Variants in ADAM12 observed in about 807,000 individuals in gnomAD.
The protein encoded by ADAM12 is ADAM metallopeptidase domain 12, also known as disintegrin and metalloproteinase domain-containing protein 12.
In ADAM12, 70 loss-of-function variants were observed where a neutral mutation model predicts 106.4. The ratio of observed to expected loss-of-function variants is 0.66; its 90% CI spans 0.54 to 0.80. The LOEUF is 0.80. ADAM12 is among the 30% of genes least tolerant of loss of function. The pLI, the probability that ADAM12 is intolerant of heterozygous loss-of-function variation, is 0.00. For synonymous variants in ADAM12, 420 were observed against 433.5 expected (o/e 0.97, Z 0.39); for missense variants, 1,010 against 1,171.9 (o/e 0.86, Z 2.02).
intron 1 of ADAM12, among the ~76,000 whole-genome samples, chr10:126,374,265 C>T (rs908288113): frequency 1.3e-4 from 20 of 152,240 alleles, no homozygotes; most frequent in Admixed American, 4.6e-4. Flanking sequence ...ATCCAGGGTA[C>T]ATAGGACTCC....
intron 1 of ADAM12, among the ~76,000 whole-genome samples, chr10:126,372,913 C>T (rs895485062): frequency 4.6e-4 from 70 of 152,104 alleles, no homozygotes; most frequent in Non-Finnish European, 1.5e-4. Context: ...TCAAGAGTAC[C>T]ATCTATTGCA....
intron 5 of ADAM12, among the ~76,000 whole-genome samples, chr10:126,118,757 C>T (rs1316621926): frequency 1.3e-5 from 2 of 152,184 alleles, no homozygotes; most frequent in Admixed American, 6.5e-5. Context: ...ATCCCTCTCC[C>T]GCCTCTTGGC....
intron 1 of ADAM12, among the ~76,000 whole-genome samples, chr10:126,341,522 C>T (rs1248300008): frequency 6.6e-6 from 1 of 152,154 alleles, no homozygotes; most frequent in Non-Finnish European, 1.5e-5. Flanking sequence ...CCACATGAGC[C>T]TTATTTATAA....
chr10:126,266,854 C>T (rs7913220), intron 3 of ADAM12, among the ~76,000 whole-genome samples: 1 of 152,118 alleles, frequency 6.6e-6, no homozygotes, highest in African/African-American at 2.4e-5. Flanking sequence ...AAGTCCACCA[C>T]GAGAACAGCA....
At chr10:126,047,470 G>A (rs1954358209) in intron 16 of ADAM12, among the ~76,000 whole-genome samples, 1 of 152,178 alleles carries the variant, frequency 6.6e-6, no homozygotes, top group Non-Finnish European at 1.5e-5. Context: ...AGCCCTCAGA[G>A]AACCAAGGTT....
intron 6 of ADAM12, among the ~76,000 whole-genome samples, chr10:126,111,697 T>C (rs544111091): frequency 1.3e-5 from 2 of 152,326 alleles, no homozygotes; most frequent in South Asian, 4.1e-4. Flanking sequence ...GTGAACACAA[T>C]TTTCCTGTCT....
rs114094124 is a variant in ADAM12 at position 126,143,639 on chromosome 10, G to A, written c.340-7979C>T. Among the ~76,000 whole-genome samples the A allele has an allele frequency of 4.1e-3, 613 of 151,040 alleles. 3 individuals carry two copies. The highest frequency in any genetic ancestry group is 0.014 in the African/African-American group (576 of 41,026). On this transcript the variant is annotated intron_variant, in intron 4 of 22. Coordinates refer to ENST00000448723, the MANE Select transcript of ADAM12 (RefSeq NM_001288973.2). The stretch of plus-strand genomic sequence containing the variant: ...GGGGTGCGTGGGTGTGTGTATACAC[G>A]TATGTGTGTATATGGTGTGCATATG...
intron 4 of ADAM12, among the ~76,000 whole-genome samples, chr10:126,140,560 C>G (rs1162421643): frequency 6.6e-6 from 1 of 152,200 alleles, no homozygotes; most frequent in Non-Finnish European, 1.5e-5. Context: ...TGATTTCCAG[C>G]TTTAACACCA....
At chr10:126,237,643 G>A (rs1256573100) in intron 3 of ADAM12, among the ~76,000 whole-genome samples, 1 of 151,730 alleles carries the variant, frequency 6.6e-6, no homozygotes, top group East Asian at 1.9e-4. Context: ...TATTATTTTG[G>A]CTGTGCCACT....
chr10:126,259,178 A>G (rs1433717004), intron 3 of ADAM12, among the ~76,000 whole-genome samples: 2 of 152,176 alleles, frequency 1.3e-5, no homozygotes, highest in East Asian at 3.9e-4. Flanking sequence ...TGAGGCTTAC[A>G]CAGCTCAGTT....
At chr10:126,082,972 CCA>C (rs1233940854) in intron 11 of ADAM12, among the ~76,000 whole-genome samples, 1 of 152,228 alleles carries the variant, frequency 6.6e-6, no homozygotes, top group Non-Finnish European at 1.5e-5. Flanking sequence ...CTTTCAATCA[CCA>C]CACACAGAAT....
At chr10:126,164,013 A>G (rs1956982373) in intron 3 of ADAM12, among the ~76,000 whole-genome samples, 1 of 152,228 alleles carries the variant, frequency 6.6e-6, no homozygotes, top group Admixed American at 6.5e-5. Context: ...AATCTCATTC[A>G]TTCCTTCATT....
intron 12 of ADAM12, among the ~76,000 whole-genome samples, chr10:126,069,860 T>C (rs1015993451): frequency 6.6e-5 from 10 of 152,004 alleles, no homozygotes; most frequent in African/African-American, 1.9e-4. Flanking sequence ...GTGGTGGCGA[T>C]TGTGGAGATG....
chr10:126,349,350 A>T (rs1157664669), intron 1 of ADAM12, among the ~76,000 whole-genome samples: 1 of 152,236 alleles, frequency 6.6e-6, no homozygotes, highest in Non-Finnish European at 1.5e-5. Context: ...AAAGCAGTCT[A>T]ACAAATATTT....
intron 3 of ADAM12, among the ~76,000 whole-genome samples, chr10:126,226,942 C>T (rs991342032): frequency 6.6e-6 from 1 of 152,132 alleles, no homozygotes; most frequent in Non-Finnish European, 1.5e-5. Context: ...CTGTTTTGCT[C>T]TCTGTTCTCC....
chr10:126,222,304 A>C (rs964641601), intron 3 of ADAM12, among the ~76,000 whole-genome samples: 2 of 151,892 alleles, frequency 1.3e-5, no homozygotes, highest in African/African-American at 4.8e-5. Flanking sequence ...TTCGCCTTTG[A>C]GGTCTCACGT....
intron 2 of ADAM12, among the ~76,000 whole-genome samples, chr10:126,314,383 A>G (rs965517580): frequency 1.3e-5 from 2 of 152,170 alleles, no homozygotes; most frequent in Non-Finnish European, 2.9e-5. Flanking sequence ...GGGAGTTTCA[A>G]TGCAGACAGA....
chr10:126,243,489 A>ATATGTG (rs373021962), intron 3 of ADAM12, among the ~76,000 whole-genome samples: 3 of 146,842 alleles, frequency 2.0e-5, no homozygotes, highest in Non-Finnish European at 3.0e-5. Flanking sequence ...GTGTGAGTGT[A>ATATGTG]TGTGTGTGTG....
At chr10:126,361,431 A>AG (rs1212561234) in intron 1 of ADAM12, among the ~76,000 whole-genome samples, 1 of 152,050 alleles carries the variant, frequency 6.6e-6, no homozygotes, top group Admixed American at 6.6e-5. Context: ...AATAGAAAAA[A>AG]CAATCCTAAA....
Sources: gnomAD v4.1 joint callset for allele counts (sites outside exome capture counted in the v4.1 genomes callset) on GRCh38, gnomAD v4.1.1 for gene constraint, MANE v1.5 for transcripts, NCBI Gene and HGNC (gene_info 2026-07-23, HGNC 2026-07-21) for gene names.